Variants in SDK1 observed in about 807,000 individuals in gnomAD.
SDK1 encodes sidekick cell adhesion molecule 1.
A neutral mutation model predicts 245.5 loss-of-function variants in SDK1; 157 were observed. The observed-to-expected ratio is 0.64, with a 90% CI of 0.56 to 0.73. SDK1 has a LOEUF of 0.73. SDK1 is among the 30% of genes least tolerant of loss of function. The probability of loss-of-function intolerance (pLI) is 0.00; values close to 1 mark genes in which losing one functional copy is unlikely to be tolerated. For synonymous variants in SDK1, 1,647 were observed against 1,278.5 expected, an observed-to-expected ratio of 1.29 and a Z score of -6.15; for missense variants, 3,583 against 3,002.3, an observed-to-expected ratio of 1.19 and a Z score of -4.52.
intron 1 of SDK1, among the ~76,000 whole-genome samples, chr7:3,600,837 C>T (rs191075947): frequency 4.6e-5 from 7 of 152,152 alleles, no homozygotes; most frequent in South Asian, 4.2e-4. Context: ...CATTAGCCAC[C>T]GTGCCTGGCC....
intron 1 of SDK1, among the ~76,000 whole-genome samples, chr7:3,385,811 C>T (rs1222826067): frequency 6.6e-6 from 1 of 152,112 alleles, no homozygotes; most frequent in African/African-American, 2.4e-5. Context: ...CTCTCAATAA[C>T]AAAATTGCTT....
chr7:3,698,125 A>T (rs547040977), intron 4 of SDK1, among the ~76,000 whole-genome samples: 1 of 152,156 alleles, frequency 6.6e-6, no homozygotes, highest in Non-Finnish European at 1.5e-5. Flanking sequence ...TTCCTCCCAA[A>T]GGACCACAAA....
intron 1 of SDK1, among the ~76,000 whole-genome samples, chr7:3,486,640 GT>G (rs902379152): frequency 7.3e-5 from 11 of 150,640 alleles, no homozygotes; most frequent in Non-Finnish European, 1.0e-4. Context: ...TTTTTCTTCA[GT>G]TTTTTTTTCT....
At chr7:4,045,342 T>C (rs1788942763) in intron 17 of SDK1, among the ~76,000 whole-genome samples, 1 of 151,078 alleles carries the variant, frequency 6.6e-6, no homozygotes, top group Admixed American at 6.6e-5. Flanking sequence ...TCCTGAGCTC[T>C]AGTGATCCCC....
rs141177277 is a variant in SDK1 at position 3,541,185 on chromosome 7, C to G, written c.299-77895C>G. 4.5e-4 allele frequency among the ~76,000 whole-genome samples: 69 copies of G among 152,320 alleles called. 1 individual carries two copies. The highest frequency in any genetic ancestry group is 1.6e-3 in the African/African-American group (66 of 41,556). Reference sequence around the variant, plus strand: ...ACTATATCCTGTCTAAGGCAGTGGACTCATGGAGTATGTTTTCATTTTTAT... The same window carrying G: ...ACTATATCCTGTCTAAGGCAGTGGAGTCATGGAGTATGTTTTCATTTTTAT... On this transcript the variant is annotated intron_variant, in intron 1 of 44. Coordinates refer to ENST00000404826, the MANE Select transcript of SDK1 (RefSeq NM_152744.4).
chr7:4,257,705 A>G (rs779103443), intron 44 of SDK1, among the ~76,000 whole-genome samples: 2 of 152,132 alleles, frequency 1.3e-5, no homozygotes, highest in South Asian at 2.1e-4. Flanking sequence ...TTTCTGTACA[A>G]TGGTTATGTT....
chr7:3,946,316 C>G (rs1053729508), intron 5 of SDK1, among the ~76,000 whole-genome samples: 1 of 151,850 alleles, frequency 6.6e-6, no homozygotes, highest in Admixed American at 6.6e-5. Context: ...TAGATGGGAC[C>G]ACAGGCACAG....
At chr7:3,992,023 A>G (rs554421912) in intron 14 of SDK1, among the ~76,000 whole-genome samples, 2 of 152,348 alleles carry the variant, frequency 1.3e-5, no homozygotes, top group South Asian at 4.1e-4. Flanking sequence ...TCAGCACTAA[A>G]TAGCGCCATC....
chr7:3,331,116 T>C (rs1425586878), intron 1 of SDK1, among the ~76,000 whole-genome samples: 1 of 151,782 alleles, frequency 6.6e-6, no homozygotes, highest in Non-Finnish European at 1.5e-5. Flanking sequence ...ATACAAAAAT[T>C]AGCTGGGTGT....
At chr7:3,735,422 T>A (rs1013771154) in intron 4 of SDK1, among the ~76,000 whole-genome samples, 5 of 152,190 alleles carry the variant, frequency 3.3e-5, no homozygotes, top group Non-Finnish European at 7.3e-5. Context: ...AGAGAGTATT[T>A]TGACTTTGTG....
At chr7:3,769,976 G>A (rs897399357) in intron 4 of SDK1, among the ~76,000 whole-genome samples, 4 of 149,226 alleles carry the variant, frequency 2.7e-5, no homozygotes, top group East Asian at 2.0e-4. Flanking sequence ...GTGTATTTAC[G>A]GCTATGTAAT....
chr7:3,966,289 G>A (rs752428130), intron 9 of SDK1, among the ~76,000 whole-genome samples: 3 of 152,152 alleles, frequency 2.0e-5, no homozygotes, highest in South Asian at 2.1e-4. Flanking sequence ...AGGCAGAGGC[G>A]GCGGCTGTGC....
intron 5 of SDK1, among the ~76,000 whole-genome samples, chr7:3,844,345 T>G (rs1370781171): frequency 6.6e-6 from 1 of 152,124 alleles, no homozygotes; most frequent in Non-Finnish European, 1.5e-5. Flanking sequence ...TTAATTAGGT[T>G]TAGGTAACGG....
rs774146423 is a variant in SDK1 at position 4,265,142 on chromosome 7, G to A, written c.6400G>A (p.Glu2134Lys). 1.8e-5 allele frequency: 29 copies of A among 1,612,076 alleles called. No homozygotes were observed. The highest frequency in any genetic ancestry group is 2.2e-5 in the Non-Finnish European group (26 of 1,179,600). The change falls in exon 45 of 45, where the codon GAG becomes AAG. Residue 2134 changes from glutamate to lysine, a missense_variant. By Grantham distance (56) the Glu-to-Lys change is moderately conservative (BLOSUM62 1). Transcript: ENST00000404826. ...CCCGCAGGCCACGGACTCTGACTAC[G>A]AGGACGCGCTGCCCAAGCACTCCTT... ...SESEATDSDYEDALPKHSFVN... is the reference protein window; with the variant it reads ...SESEATDSDYKDALPKHSFVN...
intron 1 of SDK1, among the ~76,000 whole-genome samples, chr7:3,521,586 T>A (rs1782942697): frequency 6.6e-6 from 1 of 152,100 alleles, no homozygotes; most frequent in South Asian, 2.1e-4. Context: ...GAAAAATTAG[T>A]GAAGATGGAA....
chr7:3,607,710 A>G (rs1475740610), intron 1 of SDK1, among the ~76,000 whole-genome samples: 1 of 152,256 alleles, frequency 6.6e-6, no homozygotes, highest in African/African-American at 2.4e-5. Flanking sequence ...TGTTATTTAG[A>G]AAGCCAAAAG....
intron 1 of SDK1, among the ~76,000 whole-genome samples, chr7:3,335,109 C>G (rs760691345): frequency 7.9e-5 from 12 of 152,222 alleles, no homozygotes; most frequent in Non-Finnish European, 1.6e-4. Flanking sequence ...ACCATCATCA[C>G]TAATAAGCCT....
chr7:4,097,826 A>G (rs149408625), intron 22 of SDK1, among the ~76,000 whole-genome samples: 4 of 152,254 alleles, frequency 2.6e-5, no homozygotes, highest in African/African-American at 9.6e-5. Context: ...CTTTTTCATA[A>G]TAGGAGGAAC....
chr7:3,749,085 A>G (rs1779703389), intron 4 of SDK1, among the ~76,000 whole-genome samples: 1 of 152,358 alleles, frequency 6.6e-6, no homozygotes, highest in South Asian at 2.1e-4. Context: ...TCAGAATTTA[A>G]TCAGATGATA....
Sources: allele counts gnomAD v4.1 joint callset (sites outside exome capture counted in the v4.1 genomes callset), GRCh38; gene constraint gnomAD v4.1.1; transcripts MANE v1.5; gene names NCBI Gene and HGNC (gene_info 2026-07-23, HGNC 2026-07-21).